Variants in EDRF1 observed in about 807,000 individuals in gnomAD.
EDRF1 encodes erythroid differentiation-related factor 1.
In EDRF1, 69 loss-of-function variants were observed where a neutral mutation model predicts 148.7. The ratio of observed to expected loss-of-function variants is 0.46; its 90% CI spans 0.38 to 0.57. The LOEUF is 0.57. Among genes scored for constraint, EDRF1 ranks in the 20% least tolerant of loss-of-function variants. The pLI is 0.00. For missense variants in EDRF1, 1,118 were observed against 1,478.7 expected, an observed-to-expected ratio of 0.76 and a Z score of 4.00; for synonymous variants, 515 against 532.8, an observed-to-expected ratio of 0.97 and a Z score of 0.46.
Position 125,733,691 on chromosome 10 carries a change from G to A in EDRF1, c.1333G>A (p.Glu445Lys), listed in dbSNP as rs1227078882. ...YDLTTLCEETEDKYQNPFTMP... is the reference protein window; with the variant it reads ...YDLTTLCEETKDKYQNPFTMP... ...CCTCACTACTCTTTGTGAAGAAACTGAAGACAAATACCAAAATCCATTCAC... is the reference window on the plus strand; with the variant it reads ...CCTCACTACTCTTTGTGAAGAAACTAAAGACAAATACCAAAATCCATTCAC... The change falls in exon 11 of 25, where the codon GAA becomes AAA. Residue 445 changes from glutamate to lysine, a missense_variant. By Grantham distance (56) the Glu-to-Lys change is moderately conservative (BLOSUM62 1). This residue lies in a region of EDRF1 where 954 missense variants were observed against 1,241.4 expected (regional missense o/e 0.77). Transcript: ENST00000356792. 1 of 1,613,568 alleles carries A rather than the reference G, an allele frequency of 6.2e-7. No individual in the cohort carries two copies. The highest frequency in any genetic ancestry group is 1.7e-5 in the Admixed American group (1 of 60,006).
chr10:125,753,734 C>T lies in EDRF1; in HGVS notation c.3434C>T (p.Pro1145Leu). ...GDAAAAADAS[P>L]SLNREEVMKL... ...GCCGCTGCAGCTGCTGATGCTTCTC[C>T]TAGTCTCAATCGAGAAGAAGTGATG... is the stretch of plus-strand genomic sequence containing the variant. Residue 1145 changes from proline (P) to leucine (L), a missense_variant, in exon 24 of 25, where the codon CCT (proline) becomes CTT (leucine). Around this residue, in one of 3 missense-constraint regions of EDRF1, gnomAD observed 954 missense variants for 1,241.4 expected, o/e 0.77. Transcript: ENST00000356792. 6.2e-7 allele frequency: 1 copy of T among 1,613,982 alleles called. No homozygotes were observed. The highest frequency in any genetic ancestry group is 1.1e-5 in the South Asian group (1 of 91,060).
At chr10:125,758,707 G>C (rs1398692027) in intron 24 of EDRF1, among the ~76,000 whole-genome samples, 1 of 152,156 alleles carries the variant, frequency 6.6e-6, no homozygotes, top group Non-Finnish European at 1.5e-5. Flanking sequence ...GCACCTTAGA[G>C]AGGGTCTGTC....
intron 9 of EDRF1, among the ~76,000 whole-genome samples, chr10:125,731,417 A>ATT (rs1848476276): frequency 6.6e-6 from 1 of 152,218 alleles, no homozygotes; most frequent in South Asian, 2.1e-4. Flanking sequence ...ATCTCAAAAA[A>ATT]TAAGAGCTGG....
In EDRF1 at chr10:125,745,938, A is replaced by AT. The variant is rs1449841517; in HGVS notation, c.2814+10dup. The AT allele has an allele frequency of 3.1e-6, 5 of 1,613,104 alleles. No individual in the cohort carries two copies. Among genetic ancestry groups the AT allele is most frequent in the Non-Finnish European group, 4.2e-6 (5 of 1,179,434 alleles). Reference sequence around the variant, plus strand: ...GGCTTGTATTATAATAAGGTAACACATTCGCGTACATGTTGGGCCTCACCC... The same window carrying AT: ...GGCTTGTATTATAATAAGGTAACACATTTCGCGTACATGTTGGGCCTCACCC... On this transcript the variant is annotated intron_variant, in intron 19 of 24. Transcript: ENST00000356792.
At chr10:125,749,266 G>T in intron 21 of EDRF1, 146 bp from the exon 22 acceptor site, 1 of 886,190 alleles carries the variant, frequency 1.1e-6, no homozygotes, top group Non-Finnish European at 1.8e-6. Context: ...AAAAAGAAAG[G>T]AAATGGATTA....
chr10:125,751,404 G>GTTTTTTTTTTTTTT (rs60964364), intron 22 of EDRF1, among the ~76,000 whole-genome samples: 2 of 140,700 alleles, frequency 1.4e-5, no homozygotes, highest in African/African-American at 2.7e-5. Context: ...TTTACCCAGT[G>GTTTTTTTTTTTTTT]TTTTTTTTTT....
intron 17 of EDRF1, 148 bp from the exon 18 acceptor site, chr10:125,742,910 T>G (rs1186266042): frequency 5.3e-6 from 7 of 1,314,960 alleles, no homozygotes; most frequent in African/African-American, 1.5e-5. Context: ...ATTATGAAAC[T>G]TAAATATTGT....
rs140631101 is a variant in EDRF1, at chr10:125,745,729, C to A, written c.2613C>A (p.Ala871=). 1 of 1,614,176 alleles carries A rather than the reference C, an allele frequency of 6.2e-7. No homozygotes were observed. ...ERLVSKSVSA[A]EQQLWKKSFS... ...AAGTGAGCAAATCTGTGTCTGCTGC[C>A]GAGCAACAGTTGTGGAAAAAAAGCT... Residue 871 remains alanine, a synonymous_variant, in exon 19 of 25, where the codon GCC becomes GCA. Coordinates refer to ENST00000356792, the MANE Select transcript of EDRF1 (RefSeq NM_001202438.2).
chr10:125,731,537 C>T (rs1848479880), intron 9 of EDRF1, among the ~76,000 whole-genome samples: 1 of 152,156 alleles, frequency 6.6e-6, no homozygotes, highest in Non-Finnish European at 1.5e-5. Context: ...AAGTCATGGT[C>T]AAATGATGGA....
At chr10:125,733,593 G>T (rs1458571495) in intron 10 of EDRF1, 42 bp downstream of exon 10, 2 of 1,609,500 alleles carry the variant, frequency 1.2e-6, no homozygotes, top group South Asian at 1.1e-5. Context: ...AATTGATTTG[G>T]GTAACTGCTG....
chr10:125,736,875 A>T (rs772412607), intron 13 of EDRF1, among the ~76,000 whole-genome samples: 1 of 151,958 alleles, frequency 6.6e-6, no homozygotes, highest in African/African-American at 2.4e-5. Flanking sequence ...CACTCTGGCC[A>T]AAGCATGCTC....
intron 16 of EDRF1, 49 bp from the exon 17 acceptor site, chr10:125,740,952 A>G (rs781467956): frequency 6.4e-7 from 1 of 1,568,618 alleles, no homozygotes; most frequent in Non-Finnish European, 8.8e-7. Flanking sequence ...ATGATCATTA[A>G]TTTTTTTCTG....
Position 125,763,627 on chromosome 10 carries a change from T to A in EDRF1, c.*155T>A. On this transcript the variant is annotated 3_prime_UTR_variant, in exon 25 of 25. Transcript: ENST00000356792. This position sits in a 1 kb window ranked among gnomAD's most constrained non-coding sequence, Gnocchi z 4.3. ...GAGTTATTTTAAGTGACAGACAAATTACGGTTGAGTTCTGTGGCTTCTTCA... is the reference window on the plus strand; with the variant it reads ...GAGTTATTTTAAGTGACAGACAAATAACGGTTGAGTTCTGTGGCTTCTTCA... 1 of 865,282 alleles carries A rather than the reference T, an allele frequency of 1.2e-6. No homozygotes were observed. Among genetic ancestry groups the A allele is most frequent in the Non-Finnish European group, 1.8e-6 (1 of 561,792 alleles). The allele number at this position is 865,282 out of a possible 1,614,324, so 53.6% of individuals were successfully genotyped here.
intron 12 of EDRF1, among the ~76,000 whole-genome samples, 187 bp from the exon 13 acceptor site, chr10:125,735,457 A>G (rs1203643966): frequency 6.6e-6 from 1 of 152,138 alleles, no homozygotes; most frequent in African/African-American, 2.4e-5. Context: ...ATCAGCCTAT[A>G]AAGATTTTGC....
Position 125,743,101 on chromosome 10 carries a change from ACTCT to A in EDRF1, c.2418_2421del (p.Ser807LeufsTer18). The A allele has an allele frequency of 6.2e-7, 1 of 1,613,910 alleles. No homozygotes were observed. Among genetic ancestry groups the A allele is most frequent in the Non-Finnish European group, 8.5e-7 (1 of 1,179,930 alleles). On this transcript the variant is annotated frameshift_variant, in exon 18 of 25. Transcript: ENST00000356792. LOFTEE classifies it high-confidence loss of function. ...ATTTGTCTACAGACTTAGAAAGTCAACTCTCTGTTAGTTGTAAATGTTATGAGGC... is the reference window on the plus strand; with the variant it reads ...ATTTGTCTACAGACTTAGAAAGTCAACTGTTAGTTGTAAATGTTATGAGGC...
In EDRF1 at chr10:125,742,873, TATA is replaced by T. The variant is rs1200900353; in HGVS notation, c.2372-182_2372-180del. Reference sequence around the variant, plus strand: ...TATCCAACATTAATATCCCAAGAAATATAATTTTATAAATAAATAGATCTTTAT... The same window carrying T: ...TATCCAACATTAATATCCCAAGAAATATTTTATAAATAAATAGATCTTTAT... On this transcript the variant is annotated intron_variant, in intron 17 of 24. Coordinates refer to ENST00000356792, the MANE Select transcript of EDRF1 (RefSeq NM_001202438.2). The T allele has an allele frequency of 1.4e-5, 12 of 856,730 alleles. No homozygotes were observed. The African/African-American group carries it at 2.2e-4, about 16-fold the overall frequency. The allele number at this position is 856,730 out of a possible 1,614,324, so 53.1% of individuals were successfully genotyped here.
At chr10:125,720,952 T>G (rs1264750952) in intron 1 of EDRF1, among the ~76,000 whole-genome samples, 1 of 152,188 alleles carries the variant, frequency 6.6e-6, no homozygotes, top group Admixed American at 6.5e-5. Context: ...TTAAAAGAGA[T>G]GTGGGTGGTC....
At chr10:125,720,678 G>A (rs546747040) in intron 1 of EDRF1, among the ~76,000 whole-genome samples, 10 of 152,168 alleles carry the variant, frequency 6.6e-5, no homozygotes, top group African/African-American at 1.9e-4. Context: ...GGACGTGGTA[G>A]TGCACGCCTG....
chr10:125,733,597 A>G lies in EDRF1; in HGVS notation c.1277-38A>G, dbSNP rs370885398. On this transcript the variant is annotated intron_variant, in intron 10 of 24. Coordinates refer to ENST00000356792, the MANE Select transcript of EDRF1 (RefSeq NM_001202438.2). ...GAGTGAACAATAATTGATTTGGGTA[A>G]CTGCTGTGAAATGAGTCTTCTTTGT... 1.1e-5 allele frequency: 17 copies of G among 1,609,904 alleles called. 1 individual carries two copies. The highest frequency in any genetic ancestry group is 1.6e-4 in the Middle Eastern group (1 of 6,072).
Sources: allele counts gnomAD v4.1 joint callset (sites outside exome capture counted in the v4.1 genomes callset), GRCh38; gene constraint gnomAD v4.1.1; regional missense constraint gnomAD v4.1.1; non-coding constraint Gnocchi (gnomAD v3.1); transcripts MANE v1.5; gene names NCBI Gene and HGNC (gene_info 2026-07-23, HGNC 2026-07-21).